Variants in LTBP1 observed in about 807,000 individuals in gnomAD.
LTBP1 encodes latent-transforming growth factor beta-binding protein 1.
In LTBP1, 129 loss-of-function variants were observed where a neutral mutation model predicts 207.6. That is an observed-to-expected ratio of 0.62 (90% CI 0.54 to 0.72). The LOEUF (loss-of-function observed/expected upper bound fraction) is 0.72. Ranked by LOEUF, LTBP1 falls within the 30% of genes least tolerant of loss-of-function variation. The pLI, the probability that LTBP1 is intolerant of heterozygous loss-of-function variation, is 0.00. For missense variants in LTBP1, 2,281 were observed against 2,217.2 expected (o/e 1.03, Z -0.58); for synonymous variants, 963 against 833.7 (o/e 1.16, Z -2.67).
chr2:33,310,963 C>T (rs915321169), intron 23 of LTBP1, among the ~76,000 whole-genome samples: 1 of 151,612 alleles, frequency 6.6e-6, no homozygotes, highest in Non-Finnish European at 1.5e-5. Context: ...GTAGTGTATC[C>T]CAAAGCATAA....
chr2:33,085,042 G>A (rs1313024785), intron 3 of LTBP1, among the ~76,000 whole-genome samples: 1 of 152,184 alleles, frequency 6.6e-6, no homozygotes, highest in African/African-American at 2.4e-5. Flanking sequence ...CCAGTGGCAA[G>A]TGCCCTTAGA....
chr2:33,103,276 GCTGTATGCA>G (rs1246786574), intron 3 of LTBP1, among the ~76,000 whole-genome samples: 1 of 150,506 alleles, frequency 6.6e-6, no homozygotes, highest in African/African-American at 2.4e-5. Context: ...CAGTCTGTAT[GCTGTATGCA>G]CTGTATGCAC....
At chr2:33,018,945 T>C (rs1463396455) in intron 2 of LTBP1, among the ~76,000 whole-genome samples, 1 of 152,142 alleles carries the variant, frequency 6.6e-6, no homozygotes, top group Non-Finnish European at 1.5e-5. Flanking sequence ...CCAAGGGCCA[T>C]TTTAGAAAAA....
intron 2 of LTBP1, among the ~76,000 whole-genome samples, chr2:33,016,768 A>G (rs1400046109): frequency 1.3e-5 from 2 of 152,230 alleles, no homozygotes; most frequent in Non-Finnish European, 2.9e-5. Context: ...CATGCCTGCA[A>G]TCCTAGCACT....
chr2:33,130,988 A>C (rs1203144639), intron 4 of LTBP1, among the ~76,000 whole-genome samples: 1 of 152,082 alleles, frequency 6.6e-6, no homozygotes, highest in African/African-American at 2.4e-5. Context: ...TCAGACTTAT[A>C]ATTCCTAATC....
At chr2:33,330,105 T>C (rs1249887752) in intron 24 of LTBP1, among the ~76,000 whole-genome samples, 4 of 152,124 alleles carry the variant, frequency 2.6e-5, no homozygotes, top group East Asian at 1.9e-4. Context: ...TTAAGACTTA[T>C]TCCTAGGTCT....
At chr2:33,056,372 TAAC>T in intron 3 of LTBP1, 1 of 1,254,656 alleles carries the variant, frequency 8.0e-7, no homozygotes, top group Non-Finnish European at 1.0e-6. Context: ...TTTTCTTTGG[TAAC>T]AGAATGGCCT....
rs146321076 is a variant in LTBP1 at position 33,020,214 on chromosome 2, G to A, written c.566-695G>A. On this transcript the variant is annotated intron_variant, in intron 2 of 33. Coordinates refer to ENST00000404816, the MANE Select transcript of LTBP1 (RefSeq NM_206943.4). ...CAACCTTTCTGCCCTTGGTTTTCTC[G>A]TTTTCTCGTATGTCAAAGAGTAGAT... Among the ~76,000 whole-genome samples, 22 of 152,064 alleles carry A rather than the reference G, an allele frequency of 1.4e-4. No individual in the cohort carries two copies. The East Asian group carries it at 2.5e-3, about 17-fold the overall frequency.
intron 9 of LTBP1, among the ~76,000 whole-genome samples, chr2:33,224,115 G>A (rs2091296288): frequency 1.3e-5 from 2 of 152,146 alleles, no homozygotes; most frequent in African/African-American, 4.8e-5. Context: ...CTTATATGCT[G>A]TTCAGGATAA....
chr2:33,098,423 G>A (rs1042306054), intron 3 of LTBP1, among the ~76,000 whole-genome samples: 1 of 151,996 alleles, frequency 6.6e-6, no homozygotes, highest in Non-Finnish European at 1.5e-5. Context: ...ACTTTATGGT[G>A]TCTTTTTATA....
intron 9 of LTBP1, among the ~76,000 whole-genome samples, chr2:33,229,384 G>T (rs1331386386): frequency 6.6e-6 from 1 of 152,044 alleles, no homozygotes. Flanking sequence ...TGAGGCAGAA[G>T]GGTTGCTTGA....
At chr2:33,299,757 C>G (rs55782411) in intron 20 of LTBP1, among the ~76,000 whole-genome samples, 3,659 of 152,318 alleles carry the variant, frequency 0.024, 75 homozygotes, top group Non-Finnish European at 0.038. Context: ...TGAAGCCAGT[C>G]CTTTGCTTCA....
intron 2 of LTBP1, among the ~76,000 whole-genome samples, chr2:32,986,879 A>C (rs929127111): frequency 2.0e-5 from 3 of 152,248 alleles, no homozygotes; most frequent in African/African-American, 7.2e-5. Flanking sequence ...CTTTAGTGAC[A>C]GTCCCAGAGA....
At chr2:33,182,221 A>G (rs1199045088) in intron 5 of LTBP1, among the ~76,000 whole-genome samples, 2 of 152,148 alleles carry the variant, frequency 1.3e-5, no homozygotes, top group Non-Finnish European at 2.9e-5. Flanking sequence ...GTATGCTGGT[A>G]TAGTCCTTGA....
intron 25 of LTBP1, among the ~76,000 whole-genome samples, chr2:33,346,979 G>T (rs549741955): frequency 5.3e-5 from 8 of 151,884 alleles, no homozygotes; most frequent in African/African-American, 1.9e-4. Context: ...TTAGCGGGGC[G>T]TGGTGGCAGG....
intron 10 of LTBP1, among the ~76,000 whole-genome samples, chr2:33,246,915 T>A (rs2092532695): frequency 6.6e-6 from 1 of 152,140 alleles, no homozygotes; most frequent in African/African-American, 2.4e-5. Context: ...TCCAGACATG[T>A]TGCTACCTGA....
In LTBP1 at chr2:33,110,564, T is replaced by C. The variant is rs1227904528; in HGVS notation, c.864-18T>C. On this transcript the variant is annotated intron_variant, in intron 3 of 33. Transcript: ENST00000404816. ...AGCCCATTATTTAATTCCTTCTCTT[T>C]ATTTTGTTTCTTCCCAGAGTGACTC... 1.9e-6 allele frequency: 3 copies of C among 1,605,808 alleles called. No homozygotes were observed. The African/African-American group carries it at 4.0e-5, about 22-fold the overall frequency.
chr2:32,950,728 G>T (rs554389915), intron 2 of LTBP1, among the ~76,000 whole-genome samples: 1 of 152,256 alleles, frequency 6.6e-6, no homozygotes, highest in South Asian at 2.1e-4. Context: ...GAAAAGAAAA[G>T]AATTCAGAGC....
At chr2:33,327,289 C>T (rs2094440031) in intron 24 of LTBP1, among the ~76,000 whole-genome samples, 1 of 152,176 alleles carries the variant, frequency 6.6e-6, no homozygotes. Flanking sequence ...TTTTTTAAAA[C>T]ATTCATAATT....
Sources: allele counts gnomAD v4.1 joint callset (sites outside exome capture counted in the v4.1 genomes callset), GRCh38; gene constraint gnomAD v4.1.1; transcripts MANE v1.5; gene names NCBI Gene and HGNC (gene_info 2026-07-23, HGNC 2026-07-21).